POLE: variants seen among roughly 807,000 people sequenced by gnomAD.
POLE encodes the protein DNA polymerase epsilon catalytic subunit A.
A neutral mutation model predicts 279.2 loss-of-function variants in POLE; 188 were observed. The ratio of observed to expected loss-of-function variants is 0.67; its 90% CI spans 0.60 to 0.76. The LOEUF is 0.76. POLE is among the 30% of genes least tolerant of loss of function. The pLI, the probability that POLE is intolerant of heterozygous loss-of-function variation, is 0.00. For synonymous variants in POLE, 1,214 were observed against 1,172.5 expected (o/e 1.04, Z -0.72); for missense variants, 2,703 against 3,016.7 (o/e 0.90, Z 2.44).
In POLE at chr12:132,634,059, G is replaced by C. The variant is rs1413365463; in HGVS notation, c.6004+127C>G. ...CCCCTCGGCTCACAAAGTCCCAACT[G>C]CTGGGCAGGCTCCGCCCGATCTGAT... On this transcript the variant is annotated intron_variant, in intron 43 of 48. Transcript: ENST00000320574. The surrounding 1 kb of genome is among the most constrained non-coding windows in gnomAD (Gnocchi z 4.0). 1.2e-6 allele frequency: 1 copy of C among 856,562 alleles called. No homozygotes were observed. Among genetic ancestry groups the C allele is most frequent in the African/African-American group, 1.7e-5 (1 of 58,552 alleles). The allele number at this position is 856,562 out of a possible 1,614,324, so 53.1% of individuals were successfully genotyped here.
chr12:132,640,928 C>T, intron 39 of POLE: 1 of 454,378 alleles, frequency 2.2e-6, no homozygotes, highest in South Asian at 1.6e-5. Flanking sequence ...CCAGCTCTGG[C>T]ATGCTCCCTC....
chr12:132,645,281 G>A (rs1013947904), intron 32 of POLE, among the ~76,000 whole-genome samples: 1 of 140,552 alleles, frequency 7.1e-6, no homozygotes, highest in African/African-American at 2.8e-5. Flanking sequence ...GGAGGGCTGG[G>A]GGAATTCTGG....
chr12:132,642,407 G>C lies in POLE; in HGVS notation c.4953-10C>G, dbSNP rs1060504059. 8 of 1,585,022 alleles carry C rather than the reference G, an allele frequency of 5.0e-6. No individual in the cohort carries two copies. Among genetic ancestry groups the C allele is most frequent in the Non-Finnish European group, 6.9e-6 (8 of 1,162,190 alleles). ...GGGAATGTGAAAGTACCTGCACCAG[G>C]GCACAGGTCAGCACCGGGGCACATC... On this transcript the variant is annotated splice_polypyrimidine_tract_variant and intron_variant, in intron 37 of 48. Coordinates refer to ENST00000320574, the MANE Select transcript of POLE (RefSeq NM_006231.4).
chr12:132,642,695 T>C lies in POLE; in HGVS notation c.4763A>G (p.Gln1588Arg). The change falls in exon 37 of 49, where the codon CAG becomes CGG. Residue 1588 changes from glutamine to arginine, a missense_variant. Physicochemically the swap from Gln to Arg is conservative, Grantham distance 43 (BLOSUM62 1). Transcript: ENST00000320574. ...CAGCCTCTTCAGCTCCCAGCTGGAC[T>C]GAACAGCGATGAGTGTGGGCCCCCG... ...ERRGPTLIAV[Q>R]SSWELKRLAS... 2 of 1,613,716 alleles carry C rather than the reference T, an allele frequency of 1.2e-6. No homozygotes were observed. Among genetic ancestry groups the C allele is most frequent in the Non-Finnish European group, 1.7e-6 (2 of 1,179,856 alleles).
chr12:132,669,083 G>A (rs1369020476), intron 16 of POLE, 144 bp from the exon 17 acceptor site: 4 of 688,460 alleles, frequency 5.8e-6, no homozygotes, highest in Non-Finnish European at 9.3e-6. Flanking sequence ...AAAAAGTTAA[G>A]AAGGGTTGCC....
intron 41 of POLE, among the ~76,000 whole-genome samples, chr12:132,636,993 T>C (rs1432931254): frequency 6.6e-6 from 1 of 152,188 alleles, no homozygotes; most frequent in Non-Finnish European, 1.5e-5. Context: ...GAGCTGCCCA[T>C]GGCCAACGTG....
chr12:132,630,363 A>AGCAT (rs1421821079), intron 45 of POLE, among the ~76,000 whole-genome samples: 1 of 152,214 alleles, frequency 6.6e-6, no homozygotes, highest in African/African-American at 2.4e-5. Flanking sequence ...TTGGATCTAC[A>AGCAT]GCATGCACAT....
At position 132,675,532 on chromosome 12, in the gene POLE, G is replaced by T. The variant is rs759602226; in HGVS notation, c.1107-15C>A. On this transcript the variant is annotated splice_polypyrimidine_tract_variant and intron_variant, in intron 11 of 48. Coordinates refer to ENST00000320574, the MANE Select transcript of POLE (RefSeq NM_006231.4). This position sits in a 1 kb window ranked among gnomAD's most constrained non-coding sequence, Gnocchi z 4.3. ...CCACAAATGGCCTGGGTTGGAAAGA[G>T]GACAGACAAGCAAGTGGGCAGGTCA... is the stretch of plus-strand genomic sequence containing the variant. The T allele has an allele frequency of 3.1e-6, 5 of 1,613,774 alleles. No individual in the cohort carries two copies. The South Asian group carries it at 5.5e-5, about 18-fold the overall frequency.
At chr12:132,673,931 T>C (rs991294561) in intron 12 of POLE, among the ~76,000 whole-genome samples, 1 of 152,180 alleles carries the variant, frequency 6.6e-6, no homozygotes, top group African/African-American at 2.4e-5. Context: ...GCACCAGGAC[T>C]GGTCCTTCCG....
intron 40 of POLE, chr12:132,638,415 T>C (rs1483507189): frequency 8.4e-6 from 2 of 237,882 alleles, no homozygotes; most frequent in Non-Finnish European, 1.6e-5. Context: ...CATTCGATAT[T>C]TAATAAGAGA....
At chr12:132,628,998 C>T (rs1040684344) in intron 45 of POLE, among the ~76,000 whole-genome samples, 20 of 152,240 alleles carry the variant, frequency 1.3e-4, no homozygotes, top group African/African-American at 2.4e-4. Context: ...ATTTACTGTG[C>T]CCAGTTCCAT....
At chr12:132,672,965 A>C in intron 14 of POLE, 126 bp from the exon 15 acceptor site, 3 of 894,164 alleles carry the variant, frequency 3.4e-6, no homozygotes, top group South Asian at 1.6e-5. Context: ...AATGGCTGCA[A>C]ATTCTGCCTC....
intron 37 of POLE, 26 bp from the exon 38 acceptor site, chr12:132,642,423 G>T (rs201596750): frequency 6.3e-7 from 1 of 1,591,670 alleles, no homozygotes; most frequent in South Asian, 1.1e-5. Flanking sequence ...GGTCAGCACC[G>T]GGGCACATCG....
chr12:132,657,936 TG>T lies in POLE; in HGVS notation c.3309del (p.Thr1104ArgfsTer2). 1.2e-6 allele frequency: 2 copies of T among 1,614,074 alleles called. No homozygotes were observed. Among genetic ancestry groups the T allele is most frequent in the Non-Finnish European group, 1.7e-6 (2 of 1,179,906 alleles). ...AIPLAIFQAE[P>X]TVRKHFLRKW... Reference sequence around the variant, plus strand: ...TTCCGGAGAAAGTGCTTCCTCACCGTGGGCTCTGCTTGGAAAATGGCAAGTG... The same window carrying T: ...TTCCGGAGAAAGTGCTTCCTCACCGTGGCTCTGCTTGGAAAATGGCAAGTG... On this transcript the variant is annotated frameshift_variant, in exon 27 of 49. Coordinates refer to ENST00000320574, the MANE Select transcript of POLE (RefSeq NM_006231.4). LOFTEE classifies it high-confidence loss of function.
chr12:132,626,506 G>A (rs1165599958), intron 45 of POLE, among the ~76,000 whole-genome samples, 189 bp from the exon 46 acceptor site: 1 of 152,160 alleles, frequency 6.6e-6, no homozygotes. Flanking sequence ...AGGCTTCCCT[G>A]GGGAATTTAC....
intron 45 of POLE, among the ~76,000 whole-genome samples, chr12:132,626,870 G>A (rs1374834983): frequency 1.3e-5 from 2 of 152,202 alleles, no homozygotes; most frequent in Non-Finnish European, 2.9e-5. Context: ...TGGCAAGTTC[G>A]GTTTCAAACC....
rs967845454 is a variant in POLE at position 132,668,232 on chromosome 12, C to T, written c.2173+124G>A. 107 of 1,117,000 alleles carry T rather than the reference C, an allele frequency of 9.6e-5. No homozygotes were observed. The highest frequency in any genetic ancestry group is 1.3e-4 in the Non-Finnish European group (102 of 802,426). The allele number at this position is 1,117,000 out of a possible 1,614,324, so 69.2% of individuals were successfully genotyped here. ...CACAGCTTACAGTGACCTAGAGCAG[C>T]TTCTGGTCTGCTGTGACAACACCTC... is the stretch of plus-strand genomic sequence containing the variant. On this transcript the variant is annotated intron_variant, in intron 19 of 48. Coordinates refer to ENST00000320574, the MANE Select transcript of POLE (RefSeq NM_006231.4). The surrounding 1 kb of genome is among the most constrained non-coding windows in gnomAD (Gnocchi z 4.0).
chr12:132,633,922 C>T (rs190840098), intron 43 of POLE: 25 of 388,422 alleles, frequency 6.4e-5, no homozygotes, highest in East Asian at 2.0e-4. Context: ...CTCAATGACA[C>T]GGCCAGGGGC....
At chr12:132,677,915 C>T (rs1044784833) in intron 6 of POLE, among the ~76,000 whole-genome samples, 196 bp from the exon 7 acceptor site, 4 of 152,148 alleles carry the variant, frequency 2.6e-5, no homozygotes, top group Admixed American at 6.5e-5. Context: ...TGGCAGCTCA[C>T]GCCTGTAATC....
Sources: allele counts gnomAD v4.1 joint callset (sites outside exome capture counted in the v4.1 genomes callset), GRCh38; gene constraint gnomAD v4.1.1; non-coding constraint Gnocchi (gnomAD v3.1); transcripts MANE v1.5; gene names NCBI Gene and HGNC (gene_info 2026-07-23, HGNC 2026-07-21).